The following EYS variants were observed in gnomAD, a reference collection of about 807,000 sequenced individuals.
EYS encodes EGF-like photoreceptor maintenance factor.
A neutral mutation model predicts 282.1 loss-of-function variants in EYS; 250 were observed. The ratio of observed to expected loss-of-function variants is 0.89; its 90% CI spans 0.80 to 0.98. The LOEUF (loss-of-function observed/expected upper bound fraction) is 0.98, where lower values mean the gene tolerates loss of function less well. Among genes scored for constraint, EYS ranks in the 50% least tolerant of loss-of-function variants. The pLI, the probability that EYS is intolerant of heterozygous loss-of-function variation, is 0.00. For missense variants in EYS, 4,016 were observed against 3,709.0 expected (o/e 1.08, Z -2.15); for synonymous variants, 1,355 against 1,282.9 (o/e 1.06, Z -1.20).
intron 22 of EYS, among the ~76,000 whole-genome samples, chr6:64,643,098 A>G (rs1251694270): frequency 7.0e-6 from 1 of 142,092 alleles, no homozygotes; most frequent in Non-Finnish European, 1.5e-5. Context: ...CTGGGCAACA[A>G]GAGTGAAACT....
At chr6:65,044,053 T>C (rs1773023922) in intron 13 of EYS, among the ~76,000 whole-genome samples, 1 of 151,742 alleles carries the variant, frequency 6.6e-6, no homozygotes, top group African/African-American at 2.4e-5. Flanking sequence ...ATTTTTCACC[T>C]TTTGATAATA....
intron 31 of EYS, among the ~76,000 whole-genome samples, chr6:64,159,732 G>GACAGAGCGAGAC (rs1775046600): frequency 6.6e-6 from 1 of 151,214 alleles, no homozygotes; most frequent in Admixed American, 6.6e-5. Context: ...TTTTTTTTCC[G>GACAGAGCGAGAC]TTTAAGAAAT....
intron 29 of EYS, among the ~76,000 whole-genome samples, chr6:64,359,890 T>G (rs1159475011): frequency 1.3e-5 from 2 of 151,644 alleles, no homozygotes; most frequent in Non-Finnish European, 3.0e-5. Flanking sequence ...ATTCAGTCCA[T>G]AATCATCCTC....
At chr6:64,498,350 A>G (rs1040546435) in intron 26 of EYS, among the ~76,000 whole-genome samples, 1 of 152,198 alleles carries the variant, frequency 6.6e-6, no homozygotes, top group South Asian at 2.1e-4. Flanking sequence ...TTTGGAACCC[A>G]AGAATCTTCT....
chr6:65,216,938 A>T (rs755202100), intron 12 of EYS, among the ~76,000 whole-genome samples: 80 of 152,164 alleles, frequency 5.3e-4, no homozygotes, highest in Non-Finnish European at 7.8e-4. Context: ...GTGAAAACCT[A>T]ATTTGAATAA....
At chr6:64,389,339 T>A (rs1261083482) in intron 28 of EYS, among the ~76,000 whole-genome samples, 1 of 151,674 alleles carries the variant, frequency 6.6e-6, no homozygotes, top group Non-Finnish European at 1.5e-5. Flanking sequence ...CAAATATAAC[T>A]TAATTAGGGA....
chr6:65,084,255 A>C (rs1774304455), intron 12 of EYS, among the ~76,000 whole-genome samples: 1 of 152,114 alleles, frequency 6.6e-6, no homozygotes, highest in African/African-American at 2.4e-5. Flanking sequence ...TGTTAATGAC[A>C]ATTGCCATTA....
At chr6:64,542,822 C>T (rs921225975) in intron 26 of EYS, among the ~76,000 whole-genome samples, 6 of 152,072 alleles carry the variant, frequency 3.9e-5, no homozygotes, top group African/African-American at 1.4e-4. Flanking sequence ...ATAAGGACTA[C>T]AGAGCAATTA....
intron 28 of EYS, among the ~76,000 whole-genome samples, chr6:64,397,080 G>A (rs1773405393): frequency 6.6e-6 from 1 of 151,866 alleles, no homozygotes; most frequent in Admixed American, 6.6e-5. Context: ...ACTTTGCTCA[G>A]TTTTTTTAAT....
At chr6:64,945,046 G>T (rs147961898) in intron 15 of EYS, among the ~76,000 whole-genome samples, 1,717 of 150,238 alleles carry the variant, frequency 0.011, 33 homozygotes, top group African/African-American at 0.04. Flanking sequence ...ATCAATAAAA[G>T]CTGAGGGAAC....
At chr6:64,451,250 A>G (rs1409573090) in intron 26 of EYS, among the ~76,000 whole-genome samples, 1 of 152,224 alleles carries the variant, frequency 6.6e-6, no homozygotes, top group Non-Finnish European at 1.5e-5. Context: ...AATAAACTAG[A>G]AAATCTAGAA....
At chr6:63,781,867 T>G (rs966419092) in intron 39 of EYS, among the ~76,000 whole-genome samples, 2 of 152,198 alleles carry the variant, frequency 1.3e-5, no homozygotes, top group Non-Finnish European at 2.9e-5. Context: ...GCCCATTCAG[T>G]ATGATATTGG....
At chr6:63,996,305 C>T (rs991815800) in intron 34 of EYS, among the ~76,000 whole-genome samples, 16 of 151,536 alleles carry the variant, frequency 1.1e-4, no homozygotes, top group African/African-American at 1.5e-4. Flanking sequence ...TCAGAGGTTG[C>T]GGGGAGAGAG....
chr6:63,923,761 T>C (rs1764638782), intron 35 of EYS, among the ~76,000 whole-genome samples: 4 of 152,188 alleles, frequency 2.6e-5, no homozygotes, highest in Admixed American at 2.6e-4. Flanking sequence ...CCAGTGTCTA[T>C]TGATGCCATC....
chr6:63,727,737 A>ATATATAT (rs1421811302), intron 41 of EYS, among the ~76,000 whole-genome samples: 1 of 36,734 alleles, frequency 2.7e-5, no homozygotes, highest in African/African-American at 2.7e-4. Context: ...AAAAAAAAAA[A>ATATATAT]ATATATATAT....
chr6:64,534,655 C>T (rs1290695034), intron 26 of EYS, among the ~76,000 whole-genome samples: 1 of 151,844 alleles, frequency 6.6e-6, no homozygotes, highest in African/African-American at 2.4e-5. Context: ...ATACTTTTTT[C>T]ATCTGGTTTT....
rs1477968765 is a variant in EYS, at chr6:65,459,968, T to TTTA, written c.862+30625_862+30626insTAA. Among the ~76,000 whole-genome samples the TTTA allele has an allele frequency of 8.7e-5, 7 of 80,662 alleles. No individual in the cohort carries two copies. In the South Asian group the frequency reaches 2.0e-3, roughly 23 times the overall value. The allele number at this position is 80,662 out of a possible 152,430, so 52.9% of individuals were successfully genotyped here. ...GTGTGTGTGTGTGTGTTTGTGTATT[T>TTTA]TATATATATATATATATATATATAT... On this transcript the variant is annotated intron_variant, in intron 5 of 42. Coordinates refer to ENST00000503581, the MANE Select transcript of EYS (RefSeq NM_001142800.2).
intron 36 of EYS, among the ~76,000 whole-genome samples, chr6:63,813,685 A>G (rs567236679): frequency 1.3e-5 from 2 of 152,242 alleles, no homozygotes; most frequent in African/African-American, 2.4e-5. Context: ...TCTGTTTTCT[A>G]TGTAGGCTGC....
At chr6:64,870,464 T>C (rs1473742858) in intron 19 of EYS, among the ~76,000 whole-genome samples, 2 of 119,386 alleles carry the variant, frequency 1.7e-5, no homozygotes, top group Non-Finnish European at 3.3e-5. Context: ...AGTGGGAGAA[T>C]CTGATTTGCA....
Sources: allele counts gnomAD v4.1 joint callset (sites outside exome capture counted in the v4.1 genomes callset), GRCh38; gene constraint gnomAD v4.1.1; transcripts MANE v1.5; gene names NCBI Gene and HGNC (gene_info 2026-07-23, HGNC 2026-07-21).